Variants in CTNND2 observed in about 807,000 individuals in gnomAD.
CTNND2 encodes the protein catenin delta 2.
In CTNND2, 22 loss-of-function variants were observed where a neutral mutation model predicts 144.4. The ratio of observed to expected loss-of-function variants is 0.15; its 90% CI spans 0.11 to 0.22. The LOEUF (loss-of-function observed/expected upper bound fraction) is 0.22. Among genes scored for constraint, CTNND2 ranks in the 10% least tolerant of loss-of-function variants. The pLI is 1.00. For missense variants in CTNND2, 1,353 were observed against 1,618.8 expected, an observed-to-expected ratio of 0.84 and a Z score of 2.82; for synonymous variants, 751 against 695.6, an observed-to-expected ratio of 1.08 and a Z score of -1.25.
intron 2 of CTNND2, among the ~76,000 whole-genome samples, chr5:11,665,224 C>A (rs1018952518): frequency 2.6e-5 from 4 of 152,104 alleles, no homozygotes; most frequent in Non-Finnish European, 5.9e-5. Flanking sequence ...TGTGGTGAAT[C>A]CGTGGGCTAG....
intron 10 of CTNND2, among the ~76,000 whole-genome samples, chr5:11,228,339 G>C (rs548809790): frequency 4.1e-4 from 43 of 103,758 alleles, no homozygotes; most frequent in African/African-American, 1.5e-3. Flanking sequence ...AGGAGACTCT[G>C]TCTCTCTCTC....
At chr5:11,758,814 G>A (rs1789095745) in intron 1 of CTNND2, among the ~76,000 whole-genome samples, 1 of 151,828 alleles carries the variant, frequency 6.6e-6, no homozygotes, top group African/African-American at 2.4e-5. Flanking sequence ...CTATGTTTAG[G>A]AGAACTCCCC....
intron 1 of CTNND2, among the ~76,000 whole-genome samples, chr5:11,789,063 G>T (rs1791001516): frequency 6.6e-6 from 1 of 152,044 alleles, no homozygotes; most frequent in African/African-American, 2.4e-5. Context: ...AAAAAGTCAG[G>T]GAACAACAGG....
intron 1 of CTNND2, among the ~76,000 whole-genome samples, chr5:11,835,602 T>A (rs1431877626): frequency 2.0e-5 from 3 of 152,206 alleles, no homozygotes; most frequent in Non-Finnish European, 4.4e-5. Context: ...GTATATACAA[T>A]TGTACATAGT....
At chr5:11,781,672 T>C (rs1438178806) in intron 1 of CTNND2, among the ~76,000 whole-genome samples, 1 of 152,230 alleles carries the variant, frequency 6.6e-6, no homozygotes, top group African/African-American at 2.4e-5. Context: ...ACACAATTTA[T>C]ACAGTTACAA....
chr5:11,393,157 A>G (rs1401295905), intron 6 of CTNND2, among the ~76,000 whole-genome samples: 1 of 152,244 alleles, frequency 6.6e-6, no homozygotes, highest in Non-Finnish European at 1.5e-5. Context: ...CACAACATTA[A>G]ATAGATAAGC....
chr5:11,638,719 G>A (rs1243319475), intron 2 of CTNND2, among the ~76,000 whole-genome samples: 1 of 151,988 alleles, frequency 6.6e-6, no homozygotes, highest in Admixed American at 6.6e-5. Flanking sequence ...AACTACAGGT[G>A]CCTGCCACCA....
At chr5:11,516,172 GTAAC>G (rs1467088062) in intron 3 of CTNND2, among the ~76,000 whole-genome samples, 4 of 152,150 alleles carry the variant, frequency 2.6e-5, no homozygotes, top group South Asian at 2.1e-4. Context: ...AGGGCAAAGA[GTAAC>G]TAAATTGTCA....
chr5:11,176,997 T>C (rs1760539230), intron 11 of CTNND2, among the ~76,000 whole-genome samples: 1 of 152,208 alleles, frequency 6.6e-6, no homozygotes, highest in African/African-American at 2.4e-5. Context: ...TATAAGTTTC[T>C]TACATAAACT....
chr5:10,997,070 G>C (rs1428357612), intron 18 of CTNND2, among the ~76,000 whole-genome samples: 4 of 152,026 alleles, frequency 2.6e-5, no homozygotes, highest in Admixed American at 2.6e-4. Context: ...GGTGATGAGA[G>C]ATGAAGGGTG....
At chr5:11,731,582 G>A (rs928272061) in intron 2 of CTNND2, among the ~76,000 whole-genome samples, 5 of 152,028 alleles carry the variant, frequency 3.3e-5, no homozygotes, top group Non-Finnish European at 7.4e-5. Flanking sequence ...TAAATCTAAG[G>A]TTCAGATTTT....
At chr5:11,787,635 G>A (rs1204173390) in intron 1 of CTNND2, among the ~76,000 whole-genome samples, 5 of 152,112 alleles carry the variant, frequency 3.3e-5, no homozygotes, top group Non-Finnish European at 7.3e-5. Flanking sequence ...GAAATACTTG[G>A]TTGGTTATAT....
intron 3 of CTNND2, among the ~76,000 whole-genome samples, chr5:11,449,962 A>G (rs1765153140): frequency 6.6e-6 from 1 of 152,222 alleles, no homozygotes; most frequent in African/African-American, 2.4e-5. Context: ...AGACACTGTG[A>G]TCTGTTACAG....
chr5:11,255,140 C>A (rs927836519), intron 9 of CTNND2, among the ~76,000 whole-genome samples: 1 of 152,072 alleles, frequency 6.6e-6, no homozygotes, highest in South Asian at 2.1e-4. Context: ...TTACAACACA[C>A]GAGACTTTAA....
chr5:11,509,374 A>C (rs868645612), intron 3 of CTNND2, among the ~76,000 whole-genome samples: 2 of 152,216 alleles, frequency 1.3e-5, no homozygotes, highest in African/African-American at 4.8e-5. Context: ...ACCCATTTAA[A>C]AGCCATCCCA....
intron 8 of CTNND2, among the ~76,000 whole-genome samples, chr5:11,356,850 G>A (rs1351370385): frequency 1.3e-5 from 2 of 150,734 alleles, no homozygotes; most frequent in Non-Finnish European, 3.0e-5. Context: ...AAAAAGTTCC[G>A]ATTTTAAAAT....
chr5:11,792,738 C>A (rs1791201850), intron 1 of CTNND2, among the ~76,000 whole-genome samples: 2 of 152,216 alleles, frequency 1.3e-5, no homozygotes, highest in South Asian at 4.1e-4. Context: ...GTTACTTCCA[C>A]CAATAAAACA....
intron 15 of CTNND2, 43 bp downstream of exon 15, chr5:11,098,532 T>G: frequency 6.5e-7 from 1 of 1,543,056 alleles, no homozygotes; most frequent in African/African-American, 1.4e-5. Flanking sequence ...GAGGAGTTGC[T>G]CATAACTCCA....
chr5:11,236,737 G>C lies in CTNND2; in HGVS notation c.1715C>G (p.Ala572Gly). 1 of 1,614,174 alleles carries C rather than the reference G, an allele frequency of 6.2e-7. No homozygotes were observed. The highest frequency in any genetic ancestry group is 8.5e-7 in the Non-Finnish European group (1 of 1,180,034). ...QFPSVQSNAA[A>G]YLQHLCFGDN... ...TCCAAAACAGAGGTGTTGCAAGTAGGCTGCCGCGTTAGACTGGACCGAGGG... is the reference window on the plus strand; with the variant it reads ...TCCAAAACAGAGGTGTTGCAAGTAGCCTGCCGCGTTAGACTGGACCGAGGG... The change falls in exon 10 of 22, where the codon GCC becomes GGC. Residue 572 changes from alanine (A) to glycine (G), a missense_variant. Ala to Gly is a moderately conservative substitution (Grantham distance 60). Around this residue, in one of 4 missense-constraint regions of CTNND2, gnomAD observed 69 missense variants for 120.3 expected, o/e 0.57. Transcript: ENST00000304623.
Sources: gnomAD v4.1 joint callset for allele counts (sites outside exome capture counted in the v4.1 genomes callset) on GRCh38, gnomAD v4.1.1 for gene constraint, gnomAD v4.1.1 regional missense constraint, MANE v1.5 for transcripts, NCBI Gene and HGNC (gene_info 2026-07-23, HGNC 2026-07-21) for gene names.